UCK2: variants seen among roughly 807,000 people sequenced by gnomAD.
UCK2 encodes the protein uridine-cytidine kinase 2, also known as cytidine monophosphokinase 2.
UCK2 carries 6 observed loss-of-function variants against 30.8 expected under a neutral mutation model. The observed-to-expected ratio is 0.19, with a 90% CI of 0.11 to 0.38. The LOEUF (loss-of-function observed/expected upper bound fraction) is 0.38, where lower values mean the gene tolerates loss of function less well. Among genes scored for constraint, UCK2 ranks in the 10% least tolerant of loss-of-function variants. UCK2 has a pLI of 1.00. For synonymous variants in UCK2, 125 were observed against 133.6 expected (o/e 0.94, Z 0.45); for missense variants, 210 against 339.8 (o/e 0.62, Z 3.00).
intron 4 of UCK2, among the ~76,000 whole-genome samples, chr1:165,899,363 C>G (rs755889195): frequency 7.9e-5 from 12 of 152,176 alleles, no homozygotes; most frequent in Non-Finnish European, 1.5e-4. Context: ...ATGGCTGACC[C>G]CTCATCTTCC....
chr1:165,838,057 C>T (rs186418888), intron 1 of UCK2, among the ~76,000 whole-genome samples: 3 of 152,320 alleles, frequency 2.0e-5, no homozygotes, highest in East Asian at 1.9e-4. Flanking sequence ...CATTCATAAT[C>T]GCTAAGTGAC....
chr1:165,884,991 T>C (rs974444158), intron 1 of UCK2, among the ~76,000 whole-genome samples: 1 of 152,246 alleles, frequency 6.6e-6, no homozygotes, highest in African/African-American at 2.4e-5. Context: ...GGTGAGCTTT[T>C]AGCTTCCTTT....
Position 165,905,976 on chromosome 1 carries a change from C to T in UCK2, c.646+7C>T, listed in dbSNP as rs1293544651. 2.5e-6 allele frequency: 4 copies of T among 1,613,038 alleles called. No homozygotes were observed. The highest frequency in any genetic ancestry group is 1.1e-5 in the South Asian group (1 of 91,036). On this transcript the variant is annotated splice_region_variant and intron_variant, in intron 6 of 6. Transcript: ENST00000367879. Reference sequence around the variant, plus strand: ...AGAGGTGCAGATAATCTGGGTGAGTCCCTGCAGAGTGTCATCCTGGAGTAT... The same window carrying T: ...AGAGGTGCAGATAATCTGGGTGAGTTCCTGCAGAGTGTCATCCTGGAGTAT...
At chr1:165,856,853 G>C (rs1001567758) in intron 1 of UCK2, among the ~76,000 whole-genome samples, 12 of 151,490 alleles carry the variant, frequency 7.9e-5, no homozygotes, top group African/African-American at 2.9e-4. Flanking sequence ...TTCAGAGCCT[G>C]AGAATTAAGG....
intron 1 of UCK2, among the ~76,000 whole-genome samples, chr1:165,835,211 CTGA>C (rs1236449216): frequency 6.6e-6 from 1 of 152,014 alleles, no homozygotes; most frequent in African/African-American, 2.4e-5. Context: ...ATAGAATGGG[CTGA>C]TAACAGTGCT....
At position 165,890,328 on chromosome 1, in the gene UCK2, A is replaced by G. The variant is rs1655733982; in HGVS notation, c.224A>G (p.Lys75Arg). ...GTCCTTACCTCGGAGCAGAAGGCCA[A>G]AGCCCTGAAGGGCCAGTTCAACTTT... ...YRVLTSEQKA[K>R]ALKGQFNFDH... Residue 75 changes from lysine to arginine, a missense_variant, in exon 2 of 7, where the codon AAA (lysine) becomes AGA (arginine). Lys to Arg is a conservative substitution (Grantham distance 26). This residue lies in a region of UCK2 where 75 missense variants were observed against 124.7 expected (regional missense o/e 0.60). Transcript: ENST00000367879. The G allele has an allele frequency of 6.2e-7, 1 of 1,613,908 alleles. No homozygotes were observed. Among genetic ancestry groups the G allele is most frequent in the Non-Finnish European group, 8.5e-7 (1 of 1,180,016 alleles).
intron 2 of UCK2, 67 bp downstream of exon 2, chr1:165,890,430 TC>T: frequency 6.5e-7 from 1 of 1,545,486 alleles, no homozygotes; most frequent in Admixed American, 1.8e-5. Context: ...TTTATTTTGC[TC>T]ATGAGGAAGT....
intron 4 of UCK2, among the ~76,000 whole-genome samples, 191 bp downstream of exon 4, chr1:165,896,523 A>G (rs1023802474): frequency 1.3e-5 from 2 of 152,238 alleles, no homozygotes; most frequent in African/African-American, 4.8e-5. Context: ...ACACTTGGTA[A>G]CATTTGAGAA....
At chr1:165,881,182 T>TAAAAA (rs56886913) in intron 1 of UCK2, among the ~76,000 whole-genome samples, 5 of 92,850 alleles carry the variant, frequency 5.4e-5, no homozygotes, top group Admixed American at 1.2e-4. Context: ...CAATAAAACT[T>TAAAAA]AAAAAAAAAA....
intron 1 of UCK2, among the ~76,000 whole-genome samples, chr1:165,886,679 C>G (rs1655622778): frequency 6.6e-6 from 1 of 152,160 alleles, no homozygotes. Context: ...AAAAGGAGAA[C>G]ACAGAGATGA....
chr1:165,906,933 C>T (rs765731041), intron 6 of UCK2, among the ~76,000 whole-genome samples: 12 of 152,146 alleles, frequency 7.9e-5, no homozygotes, highest in Non-Finnish European at 1.8e-4. Flanking sequence ...AGACATTTAC[C>T]ATTGATATGA....
At chr1:165,898,514 T>C (rs774897194) in intron 4 of UCK2, among the ~76,000 whole-genome samples, 1 of 152,178 alleles carries the variant, frequency 6.6e-6, no homozygotes, top group Non-Finnish European at 1.5e-5. Flanking sequence ...GGTCATGTCC[T>C]CAGGAGCTAG....
At chr1:165,901,031 G>T (rs1647442657) in intron 4 of UCK2, among the ~76,000 whole-genome samples, 1 of 152,164 alleles carries the variant, frequency 6.6e-6, no homozygotes, top group Admixed American at 6.5e-5. Flanking sequence ...AGCCATGTGT[G>T]CCGGAGCTCT....
intron 1 of UCK2, among the ~76,000 whole-genome samples, chr1:165,850,791 T>G (rs953517970): frequency 5.3e-5 from 8 of 151,610 alleles, no homozygotes; most frequent in Non-Finnish European, 1.2e-4. Context: ...GCTAATTTTT[T>G]TTTTGTATTT....
At chr1:165,828,059 C>G (rs1571258480) in intron 1 of UCK2, 127 bp downstream of exon 1, 1 of 558,616 alleles carries the variant, frequency 1.8e-6, no homozygotes, top group Non-Finnish European at 2.4e-6. Flanking sequence ...CGCTCCCGGC[C>G]GCGCTCCAGC....
At position 165,909,345 on chromosome 1, in the gene UCK2, G is replaced by A. The variant is rs1363285447; in HGVS notation, c.*1522G>A. On this transcript the variant is annotated 3_prime_UTR_variant, in exon 7 of 7. Coordinates refer to ENST00000367879, the MANE Select transcript of UCK2 (RefSeq NM_012474.5). ...TAGTGCTTGGTGGACTGTGCCCTTA[G>A]CTATCCCACTGTGGCTGCCATTGCC... The A allele has an allele frequency of 1.3e-5, 2 of 152,192 alleles. No homozygotes were observed. Among genetic ancestry groups the A allele is most frequent in the African/African-American group, 2.4e-5 (1 of 41,424 alleles). The allele number at this position is 152,192 out of a possible 1,614,324, so 9.4% of individuals were successfully genotyped here.
chr1:165,893,230 G>T (rs888927793), intron 3 of UCK2, among the ~76,000 whole-genome samples: 1 of 152,178 alleles, frequency 6.6e-6, no homozygotes, highest in African/African-American at 2.4e-5. Flanking sequence ...TGAAGACCTC[G>T]TGCATCATGA....
intron 1 of UCK2, among the ~76,000 whole-genome samples, chr1:165,844,416 C>G (rs1044803340): frequency 1.3e-5 from 2 of 152,174 alleles, no homozygotes; most frequent in Admixed American, 1.3e-4. Flanking sequence ...CTCCTAAAAC[C>G]CTGTGGATAG....
At chr1:165,873,388 C>T (rs1655251814) in intron 1 of UCK2, among the ~76,000 whole-genome samples, 1 of 152,188 alleles carries the variant, frequency 6.6e-6, no homozygotes. Flanking sequence ...CGGAAAAATG[C>T]TTGCCAAAAT....
Sources: gnomAD v4.1 joint callset for allele counts (sites outside exome capture counted in the v4.1 genomes callset) on GRCh38, gnomAD v4.1.1 for gene constraint, gnomAD v4.1.1 regional missense constraint, MANE v1.5 for transcripts, NCBI Gene and HGNC (gene_info 2026-07-23, HGNC 2026-07-21) for gene names.